Variants in TNFAIP6 observed in about 807,000 individuals in gnomAD.
TNFAIP6 encodes the protein tumor necrosis factor-inducible gene 6 protein.
Under a neutral mutation model 33.7 loss-of-function variants are expected in TNFAIP6, and 36 were observed. The observed-to-expected ratio is 1.07, with a 90% CI of 0.82 to 1.41. TNFAIP6 has a LOEUF of 1.41. Ranked by LOEUF, TNFAIP6 falls within the 40% of genes most tolerant of loss-of-function variation. TNFAIP6 has a pLI of 0.00. For synonymous variants in TNFAIP6, 113 were observed against 112.8 expected (o/e 1.00, Z -0.01); for missense variants, 273 against 331.9 (o/e 0.82, Z 1.38).
Position 151,372,662 on chromosome 2 carries a change from G to A in TNFAIP6, c.624-887G>A, listed in dbSNP as rs370215430. Among the ~76,000 whole-genome samples the A allele has an allele frequency of 1.2e-3, 177 of 152,268 alleles. 6 individuals are homozygous for A. The South Asian group carries it at 0.032, about 27-fold the overall frequency. On this transcript the variant is annotated intron_variant, in intron 4 of 5. Transcript: ENST00000243347. ...AGGCTGGACACAGTGGCTTATGCCC[G>A]TAATCCTAGCACTTTGGGAGGCCGA...
chr2:151,362,934 C>T lies in TNFAIP6; in HGVS notation c.95-1009C>T, dbSNP rs75613996. On this transcript the variant is annotated intron_variant, in intron 1 of 5. Transcript: ENST00000243347. ...TCCTTTTCTTTCCCCTATTGCTTAC[C>T]TTTGCACGTTTTTATATAGCTTAAA... is the stretch of plus-strand genomic sequence containing the variant. Among the ~76,000 whole-genome samples the T allele has an allele frequency of 3.9e-3, 587 of 152,274 alleles. 10 individuals are homozygous for T. Among genetic ancestry groups the T allele is most frequent in the Admixed American group, 0.025 (389 of 15,292 alleles).
At chr2:151,362,821 C>A (rs533301688) in intron 1 of TNFAIP6, among the ~76,000 whole-genome samples, 1 of 152,124 alleles carries the variant, frequency 6.6e-6, no homozygotes, top group East Asian at 1.9e-4. Context: ...TTAGTCATTG[C>A]CCTCAATTGG....
chr2:151,358,460 A>G (rs1684571518), intron 1 of TNFAIP6, among the ~76,000 whole-genome samples: 1 of 152,224 alleles, frequency 6.6e-6, no homozygotes, highest in African/African-American at 2.4e-5. Context: ...AAAAAGGAAA[A>G]TGCAGAAAAT....
At chr2:151,374,272 G>A (rs1052765316) in intron 5 of TNFAIP6, among the ~76,000 whole-genome samples, 2 of 152,082 alleles carry the variant, frequency 1.3e-5, no homozygotes, top group Non-Finnish European at 2.9e-5. Flanking sequence ...TCCAAGAAAT[G>A]TACCTCAAGA....
chr2:151,371,536 G>C (rs990865838), intron 4 of TNFAIP6, among the ~76,000 whole-genome samples: 4 of 151,964 alleles, frequency 2.6e-5, no homozygotes, highest in African/African-American at 9.7e-5. Flanking sequence ...CAAAAATGAA[G>C]AGTTTTTTAA....
rs1256505859 is a variant in TNFAIP6, at chr2:151,379,830, G to A, written c.*297G>A. The A allele has an allele frequency of 5.8e-6, 1 of 172,774 alleles. No individual in the cohort carries two copies. Among genetic ancestry groups the A allele is most frequent in the African/African-American group, 2.4e-5 (1 of 42,214 alleles). The allele number at this position is 172,774 out of a possible 1,614,324, so 10.7% of individuals were successfully genotyped here. On this transcript the variant is annotated 3_prime_UTR_variant, in exon 6 of 6. Coordinates refer to ENST00000243347, the MANE Select transcript of TNFAIP6 (RefSeq NM_007115.4). ...ATATGTATTTGCATTTGAAATTTTG[G>A]AATCCTGCTCTATGTACAGTTTTGT...
At chr2:151,376,486 T>G (rs181439292) in intron 5 of TNFAIP6, among the ~76,000 whole-genome samples, 9 of 150,920 alleles carry the variant, frequency 6.0e-5, no homozygotes, top group African/African-American at 1.9e-4. Context: ...TAATAAGAGA[T>G]ATAAAAGTAA....
At chr2:151,379,247 C>A (rs1684973727) in intron 5 of TNFAIP6, 117 bp from the exon 6 acceptor site, 1 of 973,380 alleles carries the variant, frequency 1.0e-6, no homozygotes, top group Non-Finnish European at 1.5e-6. Flanking sequence ...CCTCTGAATT[C>A]TGGGAATCTT....
Position 151,360,135 on chromosome 2 carries a change from C to A in TNFAIP6, c.94+2375C>A, listed in dbSNP as rs555650186. On this transcript the variant is annotated intron_variant, in intron 1 of 5. Coordinates refer to ENST00000243347, the MANE Select transcript of TNFAIP6 (RefSeq NM_007115.4). Reference sequence around the variant, plus strand: ...CAACATAGAGAAACTCTGTCTCTACCAAAAAAAACACAATTAACTGGGTGT... The same window carrying A: ...CAACATAGAGAAACTCTGTCTCTACAAAAAAAAACACAATTAACTGGGTGT... Among the ~76,000 whole-genome samples the A allele has an allele frequency of 1.7e-4, 25 of 151,278 alleles. No homozygotes were observed. In the South Asian group the frequency reaches 5.2e-3, roughly 32 times the overall value.
chr2:151,360,302 A>T (rs80194719), intron 1 of TNFAIP6, among the ~76,000 whole-genome samples: 1 of 151,586 alleles, frequency 6.6e-6, no homozygotes, highest in Non-Finnish European at 1.5e-5. Flanking sequence ...TGTCTCAGAG[A>T]AAAAAAAAGA....
intron 5 of TNFAIP6, among the ~76,000 whole-genome samples, chr2:151,375,544 T>G (rs1249969646): frequency 3.3e-5 from 5 of 151,860 alleles, no homozygotes; most frequent in Non-Finnish European, 7.4e-5. Context: ...CCGTCTCTAC[T>G]AAAAATACAA....
chr2:151,363,388 T>G (rs1341396365), intron 1 of TNFAIP6, among the ~76,000 whole-genome samples: 1 of 148,698 alleles, frequency 6.7e-6, no homozygotes, highest in South Asian at 2.1e-4. Context: ...CCAGGCCCAG[T>G]GGCTCATGGC....
chr2:151,376,448 C>G (rs62168620), intron 5 of TNFAIP6, among the ~76,000 whole-genome samples: 22,848 of 150,094 alleles, frequency 0.15, 1,836 homozygotes, highest in African/African-American at 0.2. Context: ...AAAGAAAGAA[C>G]CTGAAATTGT....
chr2:151,380,515 C>T (rs555285890), downstream of TNFAIP6, among the ~76,000 whole-genome samples: 1 of 152,152 alleles, frequency 6.6e-6, no homozygotes, highest in East Asian at 1.9e-4. Context: ...TCTTAATTGG[C>T]TTTTATTTGC....
Position 151,370,145 on chromosome 2 carries a change from C to T in TNFAIP6, c.520C>T (p.His174Tyr), listed in dbSNP as rs1684789844. The T allele has an allele frequency of 5.0e-6, 8 of 1,614,050 alleles. No homozygotes were observed. Among genetic ancestry groups the T allele is most frequent in the Non-Finnish European group, 6.8e-6 (8 of 1,179,980 alleles). ...HIRLKYGQRI[H>Y]LSFLDFDLED... is the part of the protein sequence containing the mutation. ...TAGACTCAAGTATGGTCAGCGTATT[C>T]ACCTGAGTTTTTTAGATTTTGACCT... Residue 174 changes from histidine (H) to tyrosine (Y), a missense_variant, in exon 4 of 6, where the codon CAC becomes TAC. By Grantham distance (83) the His-to-Tyr change is moderately conservative. Coordinates refer to ENST00000243347, the MANE Select transcript of TNFAIP6 (RefSeq NM_007115.4).
At position 151,379,392 on chromosome 2, in the gene TNFAIP6, T is replaced by C; in HGVS notation, c.693T>C (p.Ser231=). 6.2e-7 allele frequency: 1 copy of C among 1,603,190 alleles called. No individual in the cohort carries two copies. The change falls in exon 6 of 6, where the codon AGT becomes AGC. Residue 231 remains serine, a synonymous_variant. Coordinates refer to ENST00000243347, the MANE Select transcript of TNFAIP6 (RefSeq NM_007115.4). The stretch of plus-strand genomic sequence containing the variant: ...ATGTCATGACCTTGAAGTTTCTAAG[T>C]GATGCTTCAGTGACAGCTGGAGGTT... ...TGNVMTLKFL[S]DASVTAGGFQ...
Position 151,366,152 on chromosome 2 carries a change from T to C in TNFAIP6, c.329T>C (p.Ile110Thr). 1.2e-6 allele frequency: 2 copies of C among 1,614,156 alleles called. No homozygotes were observed. Among genetic ancestry groups the C allele is most frequent in the Admixed American group, 1.7e-5 (1 of 60,026 alleles). Residue 110 changes from isoleucine (I) to threonine (T), a missense_variant, in exon 3 of 6, where the codon ATT becomes ACT. Transcript: ENST00000243347. ...AACTGTGGATTTGGAAAAACTGGCATTATTGATTATGGAATCCGTCTCAAT... is the reference window on the plus strand; with the variant it reads ...AACTGTGGATTTGGAAAAACTGGCACTATTGATTATGGAATCCGTCTCAAT... ...GPNCGFGKTG[I>T]IDYGIRLNRS...
chr2:151,363,659 C>CA (rs1352985770), intron 1 of TNFAIP6, among the ~76,000 whole-genome samples: 14 of 151,982 alleles, frequency 9.2e-5, no homozygotes, highest in South Asian at 4.2e-4. Flanking sequence ...GACTCCGTCT[C>CA]AAAAAAACAA....
At position 151,363,523 on chromosome 2, in the gene TNFAIP6, G is replaced by C. The variant is rs559379171; in HGVS notation, c.95-420G>C. Among the ~76,000 whole-genome samples, 295 of 150,158 alleles carry C rather than the reference G, an allele frequency of 2.0e-3. 2 individuals carry two copies. Among genetic ancestry groups the C allele is most frequent in the South Asian group, 9.9e-3 (45 of 4,546 alleles). On this transcript the variant is annotated intron_variant, in intron 1 of 5. Coordinates refer to ENST00000243347, the MANE Select transcript of TNFAIP6 (RefSeq NM_007115.4). ...AAAAAAAAAAAAAAATTAGCCAGGC[G>C]TGATGGCGGGCACCTGTAGTCCCAG...
Sources: gnomAD v4.1 joint callset for allele counts (sites outside exome capture counted in the v4.1 genomes callset) on GRCh38, gnomAD v4.1.1 for gene constraint, MANE v1.5 for transcripts, NCBI Gene and HGNC (gene_info 2026-07-23, HGNC 2026-07-21) for gene names.